The following CNTN5 variants were observed in gnomAD, a reference collection of about 807,000 sequenced individuals.
CNTN5 encodes contactin 5, also known as contactin-5.
A neutral mutation model predicts 129.1 loss-of-function variants in CNTN5; 77 were observed. That is an observed-to-expected ratio of 0.60 (90% CI 0.50 to 0.72). The LOEUF (loss-of-function observed/expected upper bound fraction) is 0.72, where lower values mean the gene tolerates loss of function less well. Among genes scored for constraint, CNTN5 ranks in the 30% least tolerant of loss-of-function variants. The pLI, the probability that CNTN5 is intolerant of heterozygous loss-of-function variation, is 0.00. For synonymous variants in CNTN5, 509 were observed against 465.6 expected (o/e 1.09, Z -1.20); for missense variants, 1,478 against 1,328.8 (o/e 1.11, Z -1.75).
chr11:99,514,536 C>T (rs1946970160), intron 2 of CNTN5, among the ~76,000 whole-genome samples: 1 of 152,040 alleles, frequency 6.6e-6, no homozygotes, highest in African/African-American at 2.4e-5. Context: ...ACAGCCATCT[C>T]AACCTTCAGA....
At chr11:100,159,204 A>G (rs1431111340) in intron 13 of CNTN5, among the ~76,000 whole-genome samples, 1 of 149,390 alleles carries the variant, frequency 6.7e-6, no homozygotes, top group Non-Finnish European at 1.5e-5. Flanking sequence ...TTGTCTTGTG[A>G]AAAAAAAAAG....
intron 1 of CNTN5, among the ~76,000 whole-genome samples, chr11:99,177,158 G>A (rs1054389425): frequency 6.6e-6 from 1 of 151,868 alleles, no homozygotes; most frequent in African/African-American, 2.4e-5. Flanking sequence ...TTTTTCTGGT[G>A]CCACCTTCTC....
intron 2 of CNTN5, among the ~76,000 whole-genome samples, chr11:99,494,591 C>T (rs1053339105): frequency 1.3e-5 from 2 of 152,102 alleles, no homozygotes; most frequent in Non-Finnish European, 2.9e-5. Flanking sequence ...AAAGTCTACT[C>T]TGGAAATAAA....
chr11:99,854,383 T>G (rs918968095), intron 6 of CNTN5, among the ~76,000 whole-genome samples: 1 of 152,190 alleles, frequency 6.6e-6, no homozygotes, highest in African/African-American at 2.4e-5. Flanking sequence ...ATAAGAATGT[T>G]GCCTTAGGAA....
chr11:99,824,539 CTT>C, intron 4 of CNTN5, among the ~76,000 whole-genome samples: 1 of 151,960 alleles, frequency 6.6e-6, no homozygotes, highest in Middle Eastern at 3.5e-3. Flanking sequence ...CAGAATGTAA[CTT>C]AACTTTTTAC....
intron 17 of CNTN5, 103 bp downstream of exon 17, chr11:100,256,021 CTCTT>C: frequency 9.9e-7 from 1 of 1,012,050 alleles, no homozygotes. Flanking sequence ...ATTCTGAAAT[CTCTT>C]TGTTATTTCT....
intron 9 of CNTN5, among the ~76,000 whole-genome samples, chr11:100,007,356 A>G (rs1450692991): frequency 6.6e-6 from 1 of 152,002 alleles, no homozygotes; most frequent in Non-Finnish European, 1.5e-5. Flanking sequence ...TTTAGCTATG[A>G]AAGTCCTAGG....
intron 2 of CNTN5, among the ~76,000 whole-genome samples, chr11:99,408,502 G>GAAAGAA (rs1363384953): frequency 1.4e-5 from 2 of 146,476 alleles, no homozygotes; most frequent in African/African-American, 5.0e-5. Context: ...AAGAAAGAAA[G>GAAAGAA]AAAGTTAGTT....
At chr11:100,297,270 G>A (rs891355743) in intron 18 of CNTN5, among the ~76,000 whole-genome samples, 5 of 151,238 alleles carry the variant, frequency 3.3e-5, no homozygotes, top group Admixed American at 6.6e-5. Context: ...TGCAAGCCCC[G>A]GGATAACAAA....
intron 9 of CNTN5, among the ~76,000 whole-genome samples, chr11:100,019,657 T>C (rs1081363): frequency 0.11 from 17,095 of 152,006 alleles, 1,141 homozygotes; most frequent in Middle Eastern, 0.24. Context: ...AAAACAGGAA[T>C]GCAGATATCT....
At chr11:99,193,856 G>A (rs1271573082) in intron 1 of CNTN5, among the ~76,000 whole-genome samples, 1 of 152,108 alleles carries the variant, frequency 6.6e-6, no homozygotes, top group Non-Finnish European at 1.5e-5. Flanking sequence ...AAAAATTTTT[G>A]TAATCAGACA....
chr11:99,947,977 T>C (rs1294249050), intron 7 of CNTN5, among the ~76,000 whole-genome samples: 2 of 152,178 alleles, frequency 1.3e-5, no homozygotes, highest in Admixed American at 6.6e-5. Flanking sequence ...TATGTATAAA[T>C]GACAATTATC....
chr11:99,471,869 T>C (rs1420969061), intron 2 of CNTN5, among the ~76,000 whole-genome samples: 1 of 152,124 alleles, frequency 6.6e-6, no homozygotes, highest in Non-Finnish European at 1.5e-5. Flanking sequence ...TATATCTCTG[T>C]TTGTCACAGT....
chr11:100,099,095 G>A (rs1235456555), intron 13 of CNTN5, among the ~76,000 whole-genome samples: 3 of 152,002 alleles, frequency 2.0e-5, no homozygotes, highest in African/African-American at 2.4e-5. Context: ...AGCCAATTTT[G>A]TAAACAATTT....
intron 2 of CNTN5, among the ~76,000 whole-genome samples, chr11:99,471,056 C>G (rs966003737): frequency 6.6e-6 from 1 of 151,812 alleles, no homozygotes; most frequent in African/African-American, 2.4e-5. Context: ...GGCAGTCAAG[C>G]TGAAATTGCA....
At chr11:99,207,429 G>A (rs548110746) in intron 1 of CNTN5, among the ~76,000 whole-genome samples, 10 of 152,258 alleles carry the variant, frequency 6.6e-5, no homozygotes, top group African/African-American at 1.4e-4. Flanking sequence ...CAAGAGCTAT[G>A]ATTTTCCCTA....
chr11:99,613,914 C>G (rs1166583465), intron 3 of CNTN5, among the ~76,000 whole-genome samples: 1 of 152,072 alleles, frequency 6.6e-6, no homozygotes, highest in Non-Finnish European at 1.5e-5. Flanking sequence ...TGTTTAAAAT[C>G]TAGATTTTGC....
chr11:99,195,611 C>T (rs1001749597), intron 1 of CNTN5, among the ~76,000 whole-genome samples: 2 of 151,706 alleles, frequency 1.3e-5, no homozygotes, highest in South Asian at 2.1e-4. Flanking sequence ...ACTGGAATTT[C>T]CTTTTCTAGG....
At chr11:99,437,889 T>C (rs527656848) in intron 2 of CNTN5, among the ~76,000 whole-genome samples, 30 of 152,244 alleles carry the variant, frequency 2.0e-4, no homozygotes, top group Admixed American at 1.7e-3. Flanking sequence ...AAAATAAAAC[T>C]TCCCAAATTT....
Sources: gnomAD v4.1 joint callset for allele counts (sites outside exome capture counted in the v4.1 genomes callset) on GRCh38, gnomAD v4.1.1 for gene constraint, MANE v1.5 for transcripts, NCBI Gene and HGNC (gene_info 2026-07-23, HGNC 2026-07-21) for gene names.